The following GPC5 variants were observed in gnomAD, a reference collection of about 807,000 sequenced individuals.
GPC5 encodes the protein glypican 5, also known as glypican-5.
GPC5 carries 47 observed loss-of-function variants against 53.9 expected under a neutral mutation model. The observed-to-expected ratio is 0.87, with a 90% confidence interval of 0.69 to 1.11. The LOEUF is 1.11. Ranked by LOEUF, GPC5 falls within the 50% of genes most tolerant of loss-of-function variation. The probability of loss-of-function intolerance (pLI) is 0.00; values close to 1 mark genes in which losing one functional copy is unlikely to be tolerated. For synonymous variants in GPC5, 286 were observed against 263.3 expected, an observed-to-expected ratio of 1.09 and a Z score of -0.84; for missense variants, 748 against 713.1, an observed-to-expected ratio of 1.05 and a Z score of -0.56.
intron 2 of GPC5, among the ~76,000 whole-genome samples, chr13:91,656,958 G>T (rs2034859831): frequency 6.6e-6 from 1 of 152,136 alleles, no homozygotes; most frequent in Non-Finnish European, 1.5e-5. Context: ...AAGGAACTCA[G>T]GGTTTGTAAT....
In GPC5 at chr13:92,373,157, C is replaced by T. The variant is rs1156279914; in HGVS notation, c.1561+228168C>T. ...CCTTAATATAGCTTTCTCCAGGCTT[C>T]ACAAAGCACAGGTGTCAACACAATT... On this transcript the variant is annotated intron_variant, in intron 7 of 7. Coordinates refer to ENST00000377067, the MANE Select transcript of GPC5 (RefSeq NM_004466.6). Among the ~76,000 whole-genome samples the T allele has an allele frequency of 2.0e-5, 3 of 152,210 alleles. No homozygotes were observed. In the East Asian group the frequency reaches 5.8e-4, roughly 29 times the overall value.
intron 6 of GPC5, among the ~76,000 whole-genome samples, chr13:91,969,209 C>G (rs1423485802): frequency 1.3e-5 from 2 of 151,902 alleles, no homozygotes; most frequent in East Asian, 3.9e-4. Context: ...CCTCATGATC[C>G]TCTTGCCTAG....
At chr13:92,315,614 G>A (rs1402639426) in intron 7 of GPC5, among the ~76,000 whole-genome samples, 1 of 152,026 alleles carries the variant, frequency 6.6e-6, no homozygotes, top group East Asian at 1.9e-4. Flanking sequence ...GAAAACTTAA[G>A]GATGAAGGAA....
chr13:91,851,475 T>G lies in GPC5; in HGVS notation c.1281-56462T>G, dbSNP rs545498347. ...CTTTATAAACACCGTACACTTAGGC[T>G]ACAATAAATTTAGAATACGTTTTCT... On this transcript the variant is annotated intron_variant, in intron 5 of 7. Transcript: ENST00000377067. Among the ~76,000 whole-genome samples the G allele has an allele frequency of 2.1e-4, 32 of 151,870 alleles. No homozygotes were observed. In the South Asian group the frequency reaches 6.0e-3, roughly 29 times the overall value.
chr13:92,033,146 T>C (rs930326793), intron 6 of GPC5, among the ~76,000 whole-genome samples: 75 of 151,590 alleles, frequency 4.9e-4, no homozygotes, highest in African/African-American at 1.8e-3. Flanking sequence ...GTGGGATCAT[T>C]TGTTTATATC....
At chr13:92,036,364 G>A (rs1045490469) in intron 6 of GPC5, among the ~76,000 whole-genome samples, 3 of 152,166 alleles carry the variant, frequency 2.0e-5, no homozygotes, top group Admixed American at 6.5e-5. Flanking sequence ...TACAGAAGGT[G>A]CTTTGATGTC....
At chr13:92,320,997 G>A (rs984493339) in intron 7 of GPC5, among the ~76,000 whole-genome samples, 1 of 151,822 alleles carries the variant, frequency 6.6e-6, no homozygotes, top group Non-Finnish European at 1.5e-5. Flanking sequence ...CTTGATATTA[G>A]CAAATTACTG....
At chr13:92,692,877 G>A (rs1887454463) in intron 7 of GPC5, among the ~76,000 whole-genome samples, 1 of 149,744 alleles carries the variant, frequency 6.7e-6, no homozygotes, top group African/African-American at 2.5e-5. Flanking sequence ...AATATGGTTT[G>A]GCTCTGCGTC....
intron 7 of GPC5, among the ~76,000 whole-genome samples, chr13:92,707,533 C>T (rs1259967567): frequency 6.6e-6 from 1 of 151,900 alleles, no homozygotes; most frequent in Non-Finnish European, 1.5e-5. Flanking sequence ...TGCTATGTAT[C>T]AGTGTAGGAA....
chr13:92,148,461 TC>T (rs1420044676), intron 7 of GPC5, among the ~76,000 whole-genome samples: 1 of 152,090 alleles, frequency 6.6e-6, no homozygotes, highest in African/African-American at 2.4e-5. Context: ...CTATTTGTAA[TC>T]CCACCTATAC....
chr13:92,334,953 G>A (rs144966723), intron 7 of GPC5, among the ~76,000 whole-genome samples: 2 of 152,222 alleles, frequency 1.3e-5, no homozygotes, highest in Non-Finnish European at 2.9e-5. Context: ...CTGAGTGTCT[G>A]TGGCTTTTCC....
chr13:91,501,515 A>T (rs1006424829), intron 2 of GPC5, among the ~76,000 whole-genome samples: 17 of 151,840 alleles, frequency 1.1e-4, no homozygotes, highest in Admixed American at 2.6e-4. Context: ...TTGTCCTTGC[A>T]ATAGTTTGCT....
intron 7 of GPC5, among the ~76,000 whole-genome samples, chr13:92,559,002 G>A (rs1356062142): frequency 2.0e-5 from 3 of 151,920 alleles, no homozygotes; most frequent in Non-Finnish European, 4.4e-5. Flanking sequence ...TGTAGTAACA[G>A]TATTCCGGTC....
At chr13:92,600,893 C>T (rs1267934855) in intron 7 of GPC5, among the ~76,000 whole-genome samples, 1 of 152,062 alleles carries the variant, frequency 6.6e-6, no homozygotes, top group African/African-American at 2.4e-5. Context: ...TGAAAATAGC[C>T]TCCCCTTGGC....
chr13:92,277,057 C>T (rs561522757), intron 7 of GPC5, among the ~76,000 whole-genome samples: 13 of 151,966 alleles, frequency 8.6e-5, no homozygotes, highest in African/African-American at 2.7e-4. Context: ...TTGCTTACAA[C>T]ATTCACATAG....
chr13:92,551,025 C>A (rs1385638943), intron 7 of GPC5, among the ~76,000 whole-genome samples: 1 of 151,792 alleles, frequency 6.6e-6, no homozygotes, highest in Non-Finnish European at 1.5e-5. Context: ...GCATGTTGAG[C>A]ACAGAAGATG....
intron 7 of GPC5, among the ~76,000 whole-genome samples, chr13:92,620,700 C>T (rs989023153): frequency 2.0e-5 from 3 of 151,998 alleles, no homozygotes; most frequent in African/African-American, 7.3e-5. Flanking sequence ...GAAACTTAAC[C>T]GTGAGTGTAG....
chr13:91,593,561 G>A (rs1040797706), intron 2 of GPC5, among the ~76,000 whole-genome samples: 3 of 151,958 alleles, frequency 2.0e-5, no homozygotes, highest in African/African-American at 4.8e-5. Flanking sequence ...AATTTGTTCT[G>A]ACTCTTGTGT....
At chr13:91,626,171 A>T (rs894338074) in intron 2 of GPC5, among the ~76,000 whole-genome samples, 1 of 152,180 alleles carries the variant, frequency 6.6e-6, no homozygotes, top group Non-Finnish European at 1.5e-5. Flanking sequence ...TGTCTTTGTG[A>T]AAAGGAGTCT....
Sources: gnomAD v4.1 joint callset for allele counts (sites outside exome capture counted in the v4.1 genomes callset) on GRCh38, gnomAD v4.1.1 for gene constraint, MANE v1.5 for transcripts, NCBI Gene and HGNC (gene_info 2026-07-23, HGNC 2026-07-21) for gene names.